The following DPYSL4 variants were observed in gnomAD, a reference collection of about 807,000 sequenced individuals.
DPYSL4 encodes dihydropyrimidinase-related protein 4.
In DPYSL4, 43 loss-of-function variants were observed where a neutral mutation model predicts 63.4. That is an observed-to-expected ratio of 0.68 (90% CI 0.53 to 0.88). The LOEUF is 0.88. DPYSL4 is among the 40% of genes least tolerant of loss of function. DPYSL4 has a pLI of 0.00. For missense variants in DPYSL4, 733 were observed against 819.5 expected, an observed-to-expected ratio of 0.89 and a Z score of 1.29; for synonymous variants, 353 against 331.7, an observed-to-expected ratio of 1.06 and a Z score of -0.70.
intron 10 of DPYSL4, 57 bp downstream of exon 10, chr10:132,201,040 T>C (rs1000318235): frequency 6.3e-7 from 1 of 1,591,758 alleles, no homozygotes; most frequent in Non-Finnish European, 8.6e-7. Flanking sequence ...GGCGGGATTG[T>C]GATGGCTGGT....
chr10:132,195,150 T>C (rs2061926641), intron 4 of DPYSL4, 141 bp downstream of exon 4: 11 of 998,814 alleles, frequency 1.1e-5, no homozygotes, highest in Non-Finnish European at 1.6e-5. Context: ...GAAAAGTCAT[T>C]TGAAGGCCCA....
intron 6 of DPYSL4, 81 bp from the exon 7 acceptor site, chr10:132,198,334 G>T: frequency 7.1e-7 from 1 of 1,416,556 alleles, no homozygotes; most frequent in Non-Finnish European, 9.7e-7. Flanking sequence ...TGGGGAATGG[G>T]GCCTCCCAGC....
intron 2 of DPYSL4, chr10:132,192,414 G>T (rs986611477): frequency 2.6e-5 from 30 of 1,156,444 alleles, no homozygotes; most frequent in Non-Finnish European, 3.0e-5. Flanking sequence ...GGACCTGAGT[G>T]GAAAACCACA....
At chr10:132,200,682 C>T (rs912096712) in intron 9 of DPYSL4, among the ~76,000 whole-genome samples, 160 bp from the exon 10 acceptor site, 1 of 152,146 alleles carries the variant, frequency 6.6e-6, no homozygotes, top group African/African-American at 2.4e-5. Flanking sequence ...CTGGCAGGAA[C>T]CAGTCCCCGC....
intron 2 of DPYSL4, among the ~76,000 whole-genome samples, chr10:132,191,243 A>G (rs1201819663): frequency 9.8e-5 from 7 of 71,260 alleles, no homozygotes; most frequent in South Asian, 5.8e-4. Context: ...GCAGGTGCAA[A>G]TAGTTCCCAG....
intron 10 of DPYSL4, 144 bp downstream of exon 10, chr10:132,201,127 C>T (rs2062011558): frequency 8.0e-7 from 1 of 1,253,420 alleles, no homozygotes; most frequent in African/African-American, 1.5e-5. Flanking sequence ...GCGGATTCCC[C>T]ACCCAGGGCG....
Position 132,190,773 on chromosome 10 carries a change from G to A in DPYSL4, c.66G>A (p.Gly22=), listed in dbSNP as rs775561065. The part of the protein sequence containing the change: ...ITSDRLLIRG[G]RIVNDDQSFY... ...GTGACCGCCTTCTGATCAGAGGTGG[G>A]AGGATCGTGAATGACGACCAGTCCT... Residue 22 remains glycine (G), a synonymous_variant, in exon 2 of 14, where the codon GGG becomes GGA. Transcript: ENST00000338492. 4 of 1,613,792 alleles carry A rather than the reference G, an allele frequency of 2.5e-6. No individual in the cohort carries two copies. Among genetic ancestry groups the A allele is most frequent in the Non-Finnish European group, 2.5e-6 (3 of 1,179,792 alleles).
intron 4 of DPYSL4, among the ~76,000 whole-genome samples, chr10:132,196,212 C>T (rs925726342): frequency 2.6e-5 from 4 of 152,238 alleles, no homozygotes; most frequent in Non-Finnish European, 5.9e-5. Flanking sequence ...AGGCCCAGGC[C>T]GGTCCCCACA....
chr10:132,197,008 C>G lies in DPYSL4; in HGVS notation c.541-13C>G. On this transcript the variant is annotated splice_polypyrimidine_tract_variant and intron_variant, in intron 5 of 13. Coordinates refer to ENST00000338492, the MANE Select transcript of DPYSL4 (RefSeq NM_006426.3). ...CGCAGCCCCACCCAGGACGCCACCA[C>G]TTCTCTTCCCAGATGTACGAGATCT... The G allele has an allele frequency of 1.2e-6, 2 of 1,611,310 alleles. No individual in the cohort carries two copies. Among genetic ancestry groups the G allele is most frequent in the Non-Finnish European group, 1.7e-6 (2 of 1,178,618 alleles).
At chr10:132,190,447 A>T (rs959977595) in intron 1 of DPYSL4, among the ~76,000 whole-genome samples, 17 of 152,240 alleles carry the variant, frequency 1.1e-4, no homozygotes, top group African/African-American at 3.9e-4. Flanking sequence ...TCCAGTGGTA[A>T]ATCAGAAGAT....
rs2062026521 is a variant in DPYSL4 at position 132,202,135 on chromosome 10, A to C, written c.1281+19A>C. On this transcript the variant is annotated intron_variant, in intron 11 of 13. Coordinates refer to ENST00000338492, the MANE Select transcript of DPYSL4 (RefSeq NM_006426.3). Reference sequence around the variant, plus strand: ...CAATCTGGTAAGAGAAGGCGGCTGTAAGTCAGGGTTGGCCTTTGTGGGGCC... The same window carrying C: ...CAATCTGGTAAGAGAAGGCGGCTGTCAGTCAGGGTTGGCCTTTGTGGGGCC... The C allele has an allele frequency of 6.2e-7, 1 of 1,606,974 alleles. No homozygotes were observed. Among genetic ancestry groups the C allele is most frequent in the Non-Finnish European group, 8.5e-7 (1 of 1,176,208 alleles).
rs1590109093 is a variant in DPYSL4, at chr10:132,204,833, C to T, written c.1628-6C>T. 2 of 1,604,680 alleles carry T rather than the reference C, an allele frequency of 1.2e-6. No homozygotes were observed. Among genetic ancestry groups the T allele is most frequent in the Non-Finnish European group, 8.5e-7 (1 of 1,175,072 alleles). ...TCTCCCCTGCCCATCTGTGCCCTTT[C>T]TTCAGGGTCTCAGGCTGATGACCAC... On this transcript the variant is annotated splice_polypyrimidine_tract_variant and splice_region_variant and intron_variant, in intron 13 of 13. Coordinates refer to ENST00000338492, the MANE Select transcript of DPYSL4 (RefSeq NM_006426.3).
Position 132,203,741 on chromosome 10 carries a change from C to G in DPYSL4, c.1462-21C>G, listed in dbSNP as rs200265511. On this transcript the variant is annotated intron_variant, in intron 12 of 13. Transcript: ENST00000338492. ...AGGCTCAGCCCCTCATGCCCTGTCT[C>G]TGCCCCCACCCCCCCGGCAGCTGGC... 5.5e-3 allele frequency: 8,774 copies of G among 1,591,180 alleles called. 33 individuals are homozygous for G. Among genetic ancestry groups the G allele is most frequent in the Non-Finnish European group, 6.4e-3 (7,495 of 1,165,846 alleles).
intron 1 of DPYSL4, among the ~76,000 whole-genome samples, chr10:132,188,494 C>T (rs1440037766): frequency 2.6e-5 from 4 of 152,224 alleles, no homozygotes; most frequent in Non-Finnish European, 5.9e-5. Flanking sequence ...GGGCCTGATG[C>T]GGCCACAGAG....
chr10:132,196,758 A>C lies in DPYSL4; in HGVS notation c.479-103A>C. 5 of 1,304,906 alleles carry C rather than the reference A, an allele frequency of 3.8e-6. No homozygotes were observed. In the Admixed American group the frequency reaches 8.6e-5, roughly 22 times the overall value. The allele number at this position is 1,304,906 out of a possible 1,614,324, so 80.8% of individuals were successfully genotyped here. A position where few individuals can be genotyped will look rare whatever the true frequency, so the allele number is the denominator to read the frequency against. On this transcript the variant is annotated intron_variant, in intron 4 of 13. Transcript: ENST00000338492. Reference sequence around the variant, plus strand: ...GCCAGTGAGGGAAGCACTGCGGGGGAGGGGCCCAAGACCCCCAACCCTCCA... The same window carrying C: ...GCCAGTGAGGGAAGCACTGCGGGGGCGGGGCCCAAGACCCCCAACCCTCCA...
At chr10:132,187,143 GC>G in intron 1 of DPYSL4, 41 bp downstream of exon 1, 1 of 1,474,440 alleles carries the variant, frequency 6.8e-7, no homozygotes, top group Non-Finnish European at 9.2e-7. Flanking sequence ...CCTGCCCGCC[GC>G]CCGGAGTGGG....
rs2061889162 is a variant in DPYSL4, at chr10:132,192,348, C to T, written c.129-310C>T. 2.9e-6 allele frequency: 3 copies of T among 1,037,218 alleles called. No individual in the cohort carries two copies. The South Asian group carries it at 1.3e-4, about 45-fold the overall frequency. 64.3% of individuals were successfully genotyped at this position (1,037,218 alleles called of 1,614,324 possible). On this transcript the variant is annotated intron_variant, in intron 2 of 13. Coordinates refer to ENST00000338492, the MANE Select transcript of DPYSL4 (RefSeq NM_006426.3). ...ATACTGGTGCCCACATCTATTAGCG[C>T]ACCTGCTTCCGTTTGTCAAGCTGCT...
chr10:132,199,924 C>A (rs1008535883), intron 8 of DPYSL4, among the ~76,000 whole-genome samples: 1 of 152,042 alleles, frequency 6.6e-6, no homozygotes, highest in Admixed American at 6.5e-5. Context: ...TGCCCCACCC[C>A]ACCTGGGAGC....
At position 132,204,088 on chromosome 10, in the gene DPYSL4, G is replaced by C. The variant is rs895805938; in HGVS notation, c.1627+161G>C. 2.8e-4 allele frequency among the ~76,000 whole-genome samples: 43 copies of C among 152,100 alleles called. 1 individual carries two copies. The highest frequency in any genetic ancestry group is 2.0e-4 in the Admixed American group (3 of 15,282). ...CTGCTGGGGGTGTTGTGGGGGCCAA[G>C]GGCTGAGCCCAGTTAGGGAGGCCCC... On this transcript the variant is annotated intron_variant, in intron 13 of 13. Coordinates refer to ENST00000338492, the MANE Select transcript of DPYSL4 (RefSeq NM_006426.3).
Sources: gnomAD v4.1 joint callset for allele counts (sites outside exome capture counted in the v4.1 genomes callset) on GRCh38, gnomAD v4.1.1 for gene constraint, MANE v1.5 for transcripts, NCBI Gene and HGNC (gene_info 2026-07-23, HGNC 2026-07-21) for gene names.